DCAF5: variants seen among roughly 807,000 people sequenced by gnomAD.
DCAF5 encodes the protein DDB1- and CUL4-associated factor 5.
In DCAF5, 9 loss-of-function variants were observed where a neutral mutation model predicts 80.7. The ratio of observed to expected loss-of-function variants is 0.11; its 90% CI spans 0.07 to 0.19. The LOEUF (loss-of-function observed/expected upper bound fraction) is 0.19, where lower values mean the gene tolerates loss of function less well. Ranked by LOEUF, DCAF5 falls within the 10% of genes least tolerant of loss-of-function variation. The probability of loss-of-function intolerance (pLI) is 1.00; values close to 1 mark genes in which losing one functional copy is unlikely to be tolerated. For missense variants in DCAF5, 842 were observed against 1,205.7 expected (o/e 0.70, Z 4.47); for synonymous variants, 433 against 461.9 (o/e 0.94, Z 0.80).
In DCAF5 at chr14:69,091,962, G is replaced by A. The variant is rs2039547776; in HGVS notation, c.666-75C>T. On this transcript the variant is annotated intron_variant, in intron 5 of 8. Coordinates refer to ENST00000341516, the MANE Select transcript of DCAF5 (RefSeq NM_003861.3). ...GTCTGAAAAACACATGTTTGCCTAT[G>A]ACCTCCTGTCAAGCTTGCATAGCTG... 6.6e-6 allele frequency: 8 copies of A among 1,207,534 alleles called. 1 individual carries two copies. The Middle Eastern group carries it at 8.0e-4, about 121-fold the overall frequency. The allele number at this position is 1,207,534 out of a possible 1,614,324, so 74.8% of individuals were successfully genotyped here.
chr14:69,055,619 G>A lies in DCAF5; in HGVS notation c.1075-8C>T, dbSNP rs1594920854. On this transcript the variant is annotated splice_polypyrimidine_tract_variant and splice_region_variant and intron_variant, in intron 8 of 8. Transcript: ENST00000341516. The surrounding 1 kb of genome is among the most constrained non-coding windows in gnomAD (Gnocchi z 5.6). ...CTTGTATGGGCTCCAGATCTGAACA[G>A]AAAATGAAAAACAAAAGCAACAAGG... 2 of 1,579,728 alleles carry A rather than the reference G, an allele frequency of 1.3e-6. No individual in the cohort carries two copies. The highest frequency in any genetic ancestry group is 1.4e-5 in the African/African-American group (1 of 73,808).
chr14:69,065,493 C>A (rs1844042952), intron 7 of DCAF5, among the ~76,000 whole-genome samples: 1 of 152,150 alleles, frequency 6.6e-6, no homozygotes, highest in South Asian at 2.1e-4. Context: ...AAGAGGGAAT[C>A]AATAAACCCA....
chr14:69,141,139 TAAAAA>T (rs11396838), intron 1 of DCAF5, among the ~76,000 whole-genome samples: 2 of 59,426 alleles, frequency 3.4e-5, no homozygotes, highest in East Asian at 1.1e-3. Context: ...ATCTCAAATT[TAAAAA>T]AAAAAAAAAA....
At chr14:69,078,878 T>G (rs911145117) in intron 6 of DCAF5, among the ~76,000 whole-genome samples, 1 of 152,170 alleles carries the variant, frequency 6.6e-6, no homozygotes, top group African/African-American at 2.4e-5. Context: ...TGTACACTTT[T>G]TTTTTTGAGA....
Position 69,118,360 on chromosome 14 carries a change from G to A in DCAF5, c.396-82C>T. On this transcript the variant is annotated intron_variant, in intron 3 of 8. Transcript: ENST00000341516. The surrounding 1 kb of genome is among the most constrained non-coding windows in gnomAD (Gnocchi z 4.0). ...GTCCCAGCACTTTGGTACCGAGGGTGCCATCTTTTCCATTTCTAGAAGAAA... is the reference window on the plus strand; with the variant it reads ...GTCCCAGCACTTTGGTACCGAGGGTACCATCTTTTCCATTTCTAGAAGAAA... The A allele has an allele frequency of 1.4e-6, 2 of 1,380,248 alleles. No homozygotes were observed. Among genetic ancestry groups the A allele is most frequent in the Non-Finnish European group, 1.9e-6 (2 of 1,034,348 alleles). The allele number at this position is 1,380,248 out of a possible 1,614,324, so 85.5% of individuals were successfully genotyped here. A position where few individuals can be genotyped will look rare whatever the true frequency, so the allele number is the denominator to read the frequency against.
intron 1 of DCAF5, among the ~76,000 whole-genome samples, chr14:69,139,189 AAAAG>A (rs1290477773): frequency 2.0e-5 from 3 of 151,856 alleles, no homozygotes; most frequent in East Asian, 3.9e-4. Context: ...AAAGAAGAAA[AAAAG>A]AAAGACAGTC....
intron 1 of DCAF5, among the ~76,000 whole-genome samples, chr14:69,144,610 C>T (rs1483507654): frequency 6.6e-6 from 1 of 152,034 alleles, no homozygotes; most frequent in Admixed American, 6.6e-5. Context: ...AAAATGGGTA[C>T]TCAATAAATA....
intron 7 of DCAF5, among the ~76,000 whole-genome samples, chr14:69,073,865 A>G (rs144112920): frequency 2.0e-5 from 3 of 152,340 alleles, no homozygotes; most frequent in African/African-American, 7.2e-5. Context: ...CCCAAAGATT[A>G]CTTCTCAACG....
intron 6 of DCAF5, chr14:69,090,093 T>G: frequency 1.0e-6 from 1 of 985,352 alleles, no homozygotes; most frequent in African/African-American, 1.7e-5. Context: ...TCACCTTCAC[T>G]GCATGCTCTA....
At chr14:69,097,348 T>C (rs2039758204) in intron 5 of DCAF5, among the ~76,000 whole-genome samples, 1 of 152,088 alleles carries the variant, frequency 6.6e-6, no homozygotes, top group South Asian at 2.1e-4. Flanking sequence ...CAAAATCACC[T>C]CTAGTTGGCA....
chr14:69,149,063 A>T (rs1171168449), intron 1 of DCAF5, among the ~76,000 whole-genome samples: 1 of 152,216 alleles, frequency 6.6e-6, no homozygotes, highest in Non-Finnish European at 1.5e-5. Flanking sequence ...TACAAAAGAG[A>T]AAGAAAACAA....
chr14:69,056,506 C>G (rs10498526), intron 8 of DCAF5, among the ~76,000 whole-genome samples: 6,337 of 152,274 alleles, frequency 0.042, 427 homozygotes, highest in African/African-American at 0.15. Flanking sequence ...TCACTGCAAA[C>G]GAGAACGATT....
intron 7 of DCAF5, among the ~76,000 whole-genome samples, chr14:69,071,017 C>CA (rs767422389): frequency 2.6e-5 from 4 of 152,242 alleles, no homozygotes; most frequent in Non-Finnish European, 4.4e-5. Context: ...AGATTGGTCT[C>CA]AAACTCCTGA....
chr14:69,147,850 C>T (rs2041584874), intron 1 of DCAF5, among the ~76,000 whole-genome samples: 1 of 152,190 alleles, frequency 6.6e-6, no homozygotes, highest in Admixed American at 6.5e-5. Context: ...CACTATAACT[C>T]AAAACTTCAT....
At chr14:69,146,265 T>C (rs1454763243) in intron 1 of DCAF5, among the ~76,000 whole-genome samples, 1 of 152,222 alleles carries the variant, frequency 6.6e-6, no homozygotes, top group Non-Finnish European at 1.5e-5. Flanking sequence ...GATGTATTAA[T>C]AACAATGTCT....
At chr14:69,092,850 T>G (rs1450585375) in intron 5 of DCAF5, among the ~76,000 whole-genome samples, 1 of 152,250 alleles carries the variant, frequency 6.6e-6, no homozygotes, top group Non-Finnish European at 1.5e-5. Context: ...TATATGTAGC[T>G]TTAAAATATA....
chr14:69,138,357 A>G (rs2140107598), intron 1 of DCAF5, among the ~76,000 whole-genome samples: 2 of 152,352 alleles, frequency 1.3e-5, no homozygotes, highest in Middle Eastern at 3.4e-3. Context: ...ACGGAAGTAT[A>G]GCTCAGCAGG....
chr14:69,061,522 G>A (rs2038215663), intron 8 of DCAF5, among the ~76,000 whole-genome samples: 1 of 152,186 alleles, frequency 6.6e-6, no homozygotes, highest in African/African-American at 2.4e-5. Context: ...CCTGGTAGAG[G>A]TGAGTTCATT....
intron 1 of DCAF5, among the ~76,000 whole-genome samples, chr14:69,125,474 A>C (rs1348990980): frequency 6.6e-6 from 1 of 152,242 alleles, no homozygotes; most frequent in Non-Finnish European, 1.5e-5. Context: ...AGAGGCAAAG[A>C]ATACAACCAT....
Sources: gnomAD v4.1 joint callset for allele counts (sites outside exome capture counted in the v4.1 genomes callset) on GRCh38, gnomAD v4.1.1 for gene constraint, Gnocchi (gnomAD v3.1) non-coding constraint, MANE v1.5 for transcripts, NCBI Gene and HGNC (gene_info 2026-07-23, HGNC 2026-07-21) for gene names.